COXFA4L2: variants seen among roughly 807,000 people sequenced by gnomAD.
COXFA4L2 encodes NADH dehydrogenase (ubiquinone) 1 alpha subcomplex, 4-like 2.
chr12:57,236,527 GCCGCCTATTT>G, the COXFA4L2 span: 3 of 1,373,066 alleles, frequency 2.2e-6, no homozygotes, highest in Non-Finnish European at 3.0e-6. Flanking sequence ...CCCCACTAGG[GCCGCCTATTT>G]CCACCCCATC....
At chr12:57,240,372 C>G in the COXFA4L2 span, 2 of 152,342 alleles carry the variant, frequency 1.3e-5, no homozygotes, top group African/African-American at 4.8e-5. Flanking sequence ...CTTCCCCTCT[C>G]CTCAGCACCC....
At chr12:57,237,064 CCCCAAGACTGGCT>C in the COXFA4L2 span, 2 of 1,614,168 alleles carry the variant, frequency 1.2e-6, no homozygotes, top group South Asian at 2.2e-5. Flanking sequence ...TAGAAGCGGG[CCCCAAGACTGGCT>C]CCTGCCATAT....
At chr12:57,237,038 T>A in the COXFA4L2 span, 1 of 1,614,158 alleles carries the variant, frequency 6.2e-7, no homozygotes, top group Non-Finnish European at 8.5e-7. Flanking sequence ...CCCCCGGATG[T>A]CTTTTGATCT....
chr12:57,236,975 G>A, the COXFA4L2 span: 2 of 1,607,738 alleles, frequency 1.2e-6, no homozygotes, highest in East Asian at 4.5e-5. Flanking sequence ...GGATTTGGAG[G>A]GTGGGGCAGC....
the COXFA4L2 span, chr12:57,236,924 T>C: frequency 6.8e-7 from 1 of 1,469,564 alleles, no homozygotes; most frequent in South Asian, 1.1e-5. Context: ...AGGGGAAGAA[T>C]AGGAGCGCTG....
chr12:57,237,150 C>T, the COXFA4L2 span: 1 of 1,613,870 alleles, frequency 6.2e-7, no homozygotes, highest in Non-Finnish European at 8.5e-7. Flanking sequence ...TGGGGTCCCG[C>T]CCCTGAGTGG....
the COXFA4L2 span, chr12:57,236,717 CCT>C: frequency 1.3e-6 from 2 of 1,518,906 alleles, no homozygotes; most frequent in Non-Finnish European, 1.8e-6. Context: ...TGGGGTCAGC[CCT>C]CTCCCCGCAG....
At chr12:57,235,858 A>T in the COXFA4L2 span, 1 of 1,481,368 alleles carries the variant, frequency 6.8e-7, no homozygotes, top group Middle Eastern at 1.9e-4. Context: ...TGGGACCCAG[A>T]ACTCTGTAAC....
At chr12:57,237,487 G>A in the COXFA4L2 span, 1 of 496,748 alleles carries the variant, frequency 2.0e-6, no homozygotes, top group South Asian at 3.0e-5. Flanking sequence ...GTGGGACCAG[G>A]AGGGGCTAAG....
At chr12:57,240,228 G>C in the COXFA4L2 span, 2 of 152,288 alleles carry the variant, frequency 1.3e-5, no homozygotes, top group Non-Finnish European at 2.9e-5. Flanking sequence ...GAGCGAACGA[G>C]TGAGACAAAG....
At chr12:57,236,941 C>A in the COXFA4L2 span, 6 of 1,558,776 alleles carry the variant, frequency 3.8e-6, no homozygotes, top group East Asian at 1.1e-4. Flanking sequence ...GCTGAGGGAC[C>A]TGGGCACAAG....
At chr12:57,240,686 C>G in the COXFA4L2 span, 1 of 985,518 alleles carries the variant, frequency 1.0e-6, no homozygotes, top group South Asian at 4.7e-5. Flanking sequence ...TACCTGCAGG[C>G]GGAGACGCGA....
At chr12:57,236,035 T>A in the COXFA4L2 span, among the ~76,000 whole-genome samples, 1 of 152,212 alleles carries the variant, frequency 6.6e-6, no homozygotes, top group East Asian at 1.9e-4. Flanking sequence ...TGGGGCTGCG[T>A]GACAAACTGA....
At chr12:57,237,308 T>TACA in the COXFA4L2 span, 6 of 1,427,074 alleles carry the variant, frequency 4.2e-6, no homozygotes, top group Admixed American at 2.9e-5. Context: ...GTTTCTGCTC[T>TACA]CCGACTCTCT....
At chr12:57,236,856 C>T in the COXFA4L2 span, among the ~76,000 whole-genome samples, 1 of 151,766 alleles carries the variant, frequency 6.6e-6, no homozygotes, top group East Asian at 1.9e-4. Context: ...GCGATCGTGT[C>T]CAAGGTAGTA....
At chr12:57,237,135 C>T in the COXFA4L2 span, 4 of 1,614,124 alleles carry the variant, frequency 2.5e-6, 1 homozygote, top group South Asian at 3.3e-5. Flanking sequence ...TCCTCTCCCT[C>T]CTCCTGGGGT....
chr12:57,235,891 C>T, the COXFA4L2 span: 4 of 1,320,594 alleles, frequency 3.0e-6, no homozygotes, highest in South Asian at 6.8e-5. Flanking sequence ...CCAAGCTCCA[C>T]CCGGAGGCTC....
chr12:57,236,789 T>A, the COXFA4L2 span: 3 of 985,438 alleles, frequency 3.0e-6, no homozygotes, highest in South Asian at 4.9e-5. Flanking sequence ...GGTCTGGTGC[T>A]CCCTCCCTGG....
chr12:57,235,548 G>A, the COXFA4L2 span: 8 of 1,612,372 alleles, frequency 5.0e-6, no homozygotes, highest in African/African-American at 2.7e-5. Flanking sequence ...CATGGCACTG[G>A]CAGCCCAGCC....
Sources: gnomAD v4.1 joint callset for allele counts (sites outside exome capture counted in the v4.1 genomes callset) on GRCh38, gnomAD v4.1.1 for gene constraint, MANE v1.5 for transcripts, NCBI Gene and HGNC (gene_info 2026-07-23, HGNC 2026-07-21) for gene names.